UGT1A3: variants seen among roughly 807,000 people sequenced by gnomAD.
The protein encoded by UGT1A3 is UDP-glucuronosyltransferase 1A3.
In UGT1A3, 31 loss-of-function variants were observed where a neutral mutation model predicts 41.0. The ratio of observed to expected loss-of-function variants is 0.76; its 90% confidence interval spans 0.57 to 1.02. The LOEUF is 1.02. UGT1A3 is among the 50% of genes least tolerant of loss of function. UGT1A3 has a pLI of 0.00. For synonymous variants in UGT1A3, 262 were observed against 257.6 expected, an observed-to-expected ratio of 1.02 and a Z score of -0.17; for missense variants, 737 against 671.0, an observed-to-expected ratio of 1.10 and a Z score of -1.09.
At chr2:233,750,055 CT>C (rs1365939187) in intron 1 of UGT1A3, among the ~76,000 whole-genome samples, 2 of 151,758 alleles carry the variant, frequency 1.3e-5, no homozygotes, top group Non-Finnish European at 2.9e-5. Context: ...GTGGAAGTGA[CT>C]TTGGAACTGG....
intron 1 of UGT1A3, among the ~76,000 whole-genome samples, chr2:233,739,818 A>T (rs1185619139): frequency 6.6e-6 from 1 of 151,978 alleles, no homozygotes; most frequent in Non-Finnish European, 1.5e-5. Context: ...ATTGGTTTTT[A>T]AATGTGAAAA....
chr2:233,734,912 C>G (rs2078584447), intron 1 of UGT1A3, among the ~76,000 whole-genome samples: 1 of 152,122 alleles, frequency 6.6e-6, no homozygotes, highest in Admixed American at 6.5e-5. Flanking sequence ...TTTACATTTG[C>G]TAAGGAGTGC....
Position 233,733,786 on chromosome 2 carries a change from C to A in UGT1A3, c.867+3793C>A, listed in dbSNP as rs149311802. Among the ~76,000 whole-genome samples the A allele has an allele frequency of 6.6e-4, 100 of 152,236 alleles. 1 individual carries two copies. The highest frequency in any genetic ancestry group is 1.9e-3 in the African/African-American group (79 of 41,542). On this transcript the variant is annotated intron_variant, in intron 1 of 4. Transcript: ENST00000482026. ...ATTTTCTTTTTTTGTTGTGTCCCTG[C>A]CAACCTTTGGTATCAGGATGATGCT...
chr2:233,749,622 C>A (rs1694233341), intron 1 of UGT1A3, among the ~76,000 whole-genome samples: 1 of 151,854 alleles, frequency 6.6e-6, no homozygotes, highest in Admixed American at 6.5e-5. Context: ...TGATTTGGCT[C>A]TGTATCCCCC....
intron 1 of UGT1A3, chr2:233,753,459 T>G (rs1411436879): frequency 6.6e-6 from 1 of 152,232 alleles, no homozygotes; most frequent in Non-Finnish European, 1.5e-5. Context: ...CCATGATTTT[T>G]CTGTAAAAAA....
At chr2:233,761,840 A>T (rs1697880873) in intron 1 of UGT1A3, among the ~76,000 whole-genome samples, 1 of 152,140 alleles carries the variant, frequency 6.6e-6, no homozygotes, top group African/African-American at 2.4e-5. Context: ...AGCGTTAGGG[A>T]ATTACTCTTT....
intron 1 of UGT1A3, among the ~76,000 whole-genome samples, chr2:233,759,519 G>A (rs757989605): frequency 9.9e-5 from 15 of 152,084 alleles, no homozygotes; most frequent in Non-Finnish European, 2.2e-4. Context: ...GCCTGTCCTT[G>A]GGGAAGACTT....
At chr2:233,755,292 G>A (rs548797616) in intron 1 of UGT1A3, 11 of 646,792 alleles carry the variant, frequency 1.7e-5, no homozygotes, top group Non-Finnish European at 2.6e-5. Context: ...AAGAGCCTGC[G>A]GGGCACTGGC....
At chr2:233,759,897 C>T (rs1697281775) in intron 1 of UGT1A3, among the ~76,000 whole-genome samples, 1 of 152,134 alleles carries the variant, frequency 6.6e-6, no homozygotes, top group Non-Finnish European at 1.5e-5. Flanking sequence ...TTCTAAAAGG[C>T]TTTCTAAAAA....
chr2:233,737,953 A>T (rs1429614905), intron 1 of UGT1A3, among the ~76,000 whole-genome samples: 2 of 152,112 alleles, frequency 1.3e-5, no homozygotes, highest in Non-Finnish European at 2.9e-5. Context: ...GTTTCCCAAC[A>T]TGAGGTCACA....
intron 4 of UGT1A3, 91 bp downstream of exon 4, chr2:233,768,530 CGTT>C (rs2126039098): frequency 2.0e-6 from 3 of 1,496,416 alleles, no homozygotes; most frequent in African/African-American, 1.4e-5. Flanking sequence ...CATTTAATAG[CGTT>C]GTTTCAAATA....
chr2:233,760,435 C>G (rs2125984030), intron 1 of UGT1A3: 1 of 1,614,234 alleles, frequency 6.2e-7, no homozygotes, highest in Non-Finnish European at 8.5e-7. Flanking sequence ...CATCCAGCAG[C>G]TGCAGCAGAG....
chr2:233,748,753 G>A (rs1217763001), intron 1 of UGT1A3, among the ~76,000 whole-genome samples: 1 of 151,562 alleles, frequency 6.6e-6, no homozygotes, highest in African/African-American at 2.4e-5. Flanking sequence ...GGAAGGCATA[G>A]TTTTGGTTGC....
chr2:233,772,134 T>C (rs1486740901), intron 4 of UGT1A3, 128 bp from the exon 5 acceptor site: 2 of 1,545,866 alleles, frequency 1.3e-6, no homozygotes, highest in Non-Finnish European at 1.7e-6. Flanking sequence ...ACAACAACAA[T>C]AATAGAAACA....
At position 233,743,134 on chromosome 2, in the gene UGT1A3, TA is replaced by T. The variant is rs919324462; in HGVS notation, c.867+13148del. 39 of 357,156 alleles carry T rather than the reference TA, an allele frequency of 1.1e-4. 1 individual carries two copies. The highest frequency in any genetic ancestry group is 8.0e-4 in the African/African-American group (37 of 46,406). 22.1% of individuals were successfully genotyped at this position (357,156 alleles called of 1,614,324 possible). Reference sequence around the variant, plus strand: ...TGAAAGTAAAGTTCACTTTCAATCCTAAAAAAAGTCCGCTATTCCTCCAGAT... The same window carrying T: ...TGAAAGTAAAGTTCACTTTCAATCCTAAAAAAGTCCGCTATTCCTCCAGAT... On this transcript the variant is annotated intron_variant, in intron 1 of 4. Coordinates refer to ENST00000482026, the MANE Select transcript of UGT1A3 (RefSeq NM_019093.4).
chr2:233,759,342 C>T (rs1337999825), intron 1 of UGT1A3, among the ~76,000 whole-genome samples: 5 of 152,112 alleles, frequency 3.3e-5, no homozygotes, highest in African/African-American at 9.7e-5. Flanking sequence ...TTCAGGTGAG[C>T]GCTGAAAATC....
rs1430980091 is a variant in UGT1A3 at position 233,768,314 on chromosome 2, G to A, written c.1182G>A (p.Leu394=). ...CNGVPMVMMP[L]FGDQMDNAKR... is the part of the protein sequence containing the mutation. ...GCGTTCCCATGGTGATGATGCCCTTGTTTGGTGATCAGATGGACAATGCAA... is the reference window on the plus strand; with the variant it reads ...GCGTTCCCATGGTGATGATGCCCTTATTTGGTGATCAGATGGACAATGCAA... The change falls in exon 4 of 5, where the codon TTG becomes TTA. Residue 394 remains leucine (L), a synonymous_variant. Transcript: ENST00000482026. 1.9e-5 allele frequency: 31 copies of A among 1,614,180 alleles called. No homozygotes were observed. Among genetic ancestry groups the A allele is most frequent in the Non-Finnish European group, 2.6e-5 (31 of 1,180,040 alleles).
At chr2:233,737,874 C>A (rs1441437584) in intron 1 of UGT1A3, among the ~76,000 whole-genome samples, 1 of 152,148 alleles carries the variant, frequency 6.6e-6, no homozygotes, top group East Asian at 1.9e-4. Flanking sequence ...AAGAATTCCA[C>A]ATTAACAAAG....
rs1042640 is a variant in UGT1A3 at position 233,772,898 on chromosome 2, G to T, written c.*339G>T. 1 of 456,718 alleles carries T rather than the reference G, an allele frequency of 2.2e-6. No individual in the cohort carries two copies. The highest frequency in any genetic ancestry group is 5.9e-5 in the East Asian group (1 of 16,920). The allele number at this position is 456,718 out of a possible 1,614,324, so 28.3% of individuals were successfully genotyped here. Reference sequence around the variant, plus strand: ...GTGCGGGATTCAAAGGTGGTCCCACGGCTGCCCCTACTGCAAATGGCAGTT... The same window carrying T: ...GTGCGGGATTCAAAGGTGGTCCCACTGCTGCCCCTACTGCAAATGGCAGTT... On this transcript the variant is annotated 3_prime_UTR_variant, in exon 5 of 5. Coordinates refer to ENST00000482026, the MANE Select transcript of UGT1A3 (RefSeq NM_019093.4).
Sources: allele counts gnomAD v4.1 joint callset (sites outside exome capture counted in the v4.1 genomes callset), GRCh38; gene constraint gnomAD v4.1.1; transcripts MANE v1.5; gene names NCBI Gene and HGNC (gene_info 2026-07-23, HGNC 2026-07-21).